SNX29: variants seen among roughly 807,000 people sequenced by gnomAD.
The protein encoded by SNX29 is sorting nexin-29.
SNX29 carries 78 observed loss-of-function variants against 102.1 expected under a neutral mutation model. The observed-to-expected ratio is 0.76, with a 90% CI of 0.64 to 0.92. The LOEUF (loss-of-function observed/expected upper bound fraction) is 0.92. SNX29 is among the 40% of genes least tolerant of loss of function. SNX29 has a pLI of 0.00. For missense variants in SNX29, 1,280 were observed against 1,061.7 expected, an observed-to-expected ratio of 1.21 and a Z score of -2.86; for synonymous variants, 580 against 414.5, an observed-to-expected ratio of 1.40 and a Z score of -4.85.
rs144110763 is a variant in SNX29 at position 12,139,979 on chromosome 16, T to TGAAAAAAAAAAAAAAAAAAAAAA, written c.1595+10221_1595+10222insGAAAAAAAAAAAAAAAAAAAAAA. ...CTGGGAGACAGAGAGATACCCTGTC[T>TGAAAAAAAAAAAAAAAAAAAAAA]CAAAAAAAAAAAAAAAAAAAAAAAA... On this transcript the variant is annotated intron_variant, in intron 13 of 20. Coordinates refer to ENST00000566228, the MANE Select transcript of SNX29 (RefSeq NM_032167.5). 4.8e-5 allele frequency among the ~76,000 whole-genome samples: 3 copies of TGAAAAAAAAAAAAAAAAAAAAAA among 63,070 alleles called. 1 individual carries two copies. Among genetic ancestry groups the TGAAAAAAAAAAAAAAAAAAAAAA allele is most frequent in the African/African-American group, 1.3e-4 (2 of 15,478 alleles). 41.4% of individuals were successfully genotyped at this position (63,070 alleles called of 152,430 possible). A position where few individuals can be genotyped will look rare whatever the true frequency, so the allele number is the denominator to read the frequency against.
chr16:12,316,515 C>T (rs188378503), intron 15 of SNX29, among the ~76,000 whole-genome samples: 308 of 152,320 alleles, frequency 2.0e-3, no homozygotes, highest in African/African-American at 7.3e-3. Flanking sequence ...TGCACTCCAA[C>T]CTGGGAGACA....
At position 12,126,647 on chromosome 16, in the gene SNX29, G is replaced by A. The variant is rs1176497439; in HGVS notation, c.1417G>A (p.Ala473Thr). ...TCTTCCCTTAGGTGAACTGCGCCAGGCCACTGTGGCCATGATGAACAGGAA... is the reference window on the plus strand; with the variant it reads ...TCTTCCCTTAGGTGAACTGCGCCAGACCACTGTGGCCATGATGAACAGGAA... Reference protein sequence around the residue: ...ESMTISELRQATVAMMNRKDE... With the variant: ...ESMTISELRQTTVAMMNRKDE... Residue 473 changes from alanine to threonine, a missense_variant, in exon 12 of 21, where the codon GCC becomes ACC. Coordinates refer to ENST00000566228, the MANE Select transcript of SNX29 (RefSeq NM_032167.5). 3.7e-6 allele frequency: 6 copies of A among 1,613,906 alleles called. No individual in the cohort carries two copies. Among genetic ancestry groups the A allele is most frequent in the Non-Finnish European group, 4.2e-6 (5 of 1,179,894 alleles).
chr16:12,080,745 G>A (rs2051829791), intron 11 of SNX29, among the ~76,000 whole-genome samples: 1 of 147,884 alleles, frequency 6.8e-6, no homozygotes, highest in South Asian at 2.1e-4. Context: ...AGGCTGGAGT[G>A]CAATGGCACG....
At chr16:12,247,134 A>G (rs745761173) in intron 14 of SNX29, among the ~76,000 whole-genome samples, 6 of 151,892 alleles carry the variant, frequency 4.0e-5, no homozygotes, top group Non-Finnish European at 8.8e-5. Flanking sequence ...TAAATTGATC[A>G]CCTTCCCTAT....
At chr16:12,547,842 C>T (rs572468564) in intron 20 of SNX29, among the ~76,000 whole-genome samples, 39 of 152,254 alleles carry the variant, frequency 2.6e-4, no homozygotes, top group African/African-American at 9.1e-4. Flanking sequence ...CCCCAGATTC[C>T]AAACTGGAGT....
At chr16:12,536,136 G>C (rs978490662) in intron 20 of SNX29, among the ~76,000 whole-genome samples, 11 of 152,132 alleles carry the variant, frequency 7.2e-5, no homozygotes, top group African/African-American at 2.7e-4. Flanking sequence ...TTTGGTGCTG[G>C]CACTCGCCTG....
At chr16:12,532,448 C>G (rs1012141736) in intron 20 of SNX29, among the ~76,000 whole-genome samples, 3 of 152,034 alleles carry the variant, frequency 2.0e-5, no homozygotes, top group Admixed American at 6.6e-5. Context: ...CTACTAAGCT[C>G]AATATTATTA....
chr16:12,422,293 T>G (rs929079805), intron 18 of SNX29, among the ~76,000 whole-genome samples: 6 of 152,236 alleles, frequency 3.9e-5, no homozygotes, highest in African/African-American at 1.4e-4. Context: ...CCTCCCCTCA[T>G]GAGGTGGCAG....
intron 3 of SNX29, among the ~76,000 whole-genome samples, chr16:12,024,975 G>T (rs2057146904): frequency 6.6e-6 from 1 of 151,968 alleles, no homozygotes; most frequent in Non-Finnish European, 1.5e-5. Context: ...GAGAGTTTTG[G>T]TGGACGTCCC....
At chr16:12,532,597 T>C (rs1369799242) in intron 20 of SNX29, among the ~76,000 whole-genome samples, 1 of 151,880 alleles carries the variant, frequency 6.6e-6, no homozygotes, top group East Asian at 1.9e-4. Flanking sequence ...TCCCAGTCTG[T>C]CTGAGGTATT....
At chr16:12,429,350 C>G (rs2085219394) in intron 18 of SNX29, among the ~76,000 whole-genome samples, 1 of 152,220 alleles carries the variant, frequency 6.6e-6, no homozygotes, top group South Asian at 2.1e-4. Flanking sequence ...GTTGATATCT[C>G]CTTCTAGCTT....
intron 3 of SNX29, among the ~76,000 whole-genome samples, chr16:12,018,961 G>GTT (rs71408227): frequency 2.0e-5 from 3 of 149,630 alleles, no homozygotes; most frequent in African/African-American, 4.9e-5. Context: ...TTGTAGATCT[G>GTT]TTTTTTTTTA....
chr16:12,017,788 T>G (rs371690840), intron 3 of SNX29, among the ~76,000 whole-genome samples: 13 of 152,318 alleles, frequency 8.5e-5, no homozygotes, highest in African/African-American at 2.4e-4. Context: ...CATGATCCTT[T>G]GTGTTAACGA....
At chr16:12,272,219 A>G (rs971104166) in intron 14 of SNX29, among the ~76,000 whole-genome samples, 7 of 152,118 alleles carry the variant, frequency 4.6e-5, no homozygotes, top group Non-Finnish European at 1.0e-4. Context: ...ATATAGTCCT[A>G]GAGGGGCTGG....
intron 3 of SNX29, among the ~76,000 whole-genome samples, chr16:12,015,072 AT>A (rs1222503629): frequency 6.6e-6 from 1 of 151,830 alleles, no homozygotes; most frequent in African/African-American, 2.4e-5. Flanking sequence ...TTTGTTCTAT[AT>A]TTTTCCATGC....
chr16:12,203,779 T>C (rs1325546372), intron 14 of SNX29, among the ~76,000 whole-genome samples: 1 of 152,348 alleles, frequency 6.6e-6, no homozygotes, highest in Non-Finnish European at 1.5e-5. Context: ...GCTTGCTCTG[T>C]GTACTGAAGA....
chr16:11,978,008 C>A (rs985105339), intron 1 of SNX29, among the ~76,000 whole-genome samples: 1 of 152,162 alleles, frequency 6.6e-6, no homozygotes, highest in African/African-American at 2.4e-5. Flanking sequence ...GAGCGGGGGG[C>A]AAGGCCAAGG....
At chr16:12,530,803 G>T (rs779513188) in intron 20 of SNX29, among the ~76,000 whole-genome samples, 1 of 152,132 alleles carries the variant, frequency 6.6e-6, no homozygotes, top group Non-Finnish European at 1.5e-5. Context: ...TGATCCACCC[G>T]CCTTGGCCTC....
In SNX29 at chr16:12,573,509, G is replaced by A. The variant is rs3803614; in HGVS notation, c.*4880G>A. 0.22 allele frequency: 50,010 copies of A among 224,108 alleles called. 6,114 individuals carry two copies. The highest frequency in any genetic ancestry group is 0.43 in the East Asian group (6,649 of 15,384). The allele number at this position is 224,108 out of a possible 1,614,324, so 13.9% of individuals were successfully genotyped here. A position where few individuals can be genotyped will look rare whatever the true frequency, so the allele number is the denominator to read the frequency against. On this transcript the variant is annotated 3_prime_UTR_variant, in exon 21 of 21. Coordinates refer to ENST00000566228, the MANE Select transcript of SNX29 (RefSeq NM_032167.5). The stretch of plus-strand genomic sequence containing the variant: ...TCTAGATTCACTGGTGGTTTAAGAG[G>A]CCCAGGGATTTAGTTCTTACTGGTG...
Sources: gnomAD v4.1 joint callset for allele counts (sites outside exome capture counted in the v4.1 genomes callset) on GRCh38, gnomAD v4.1.1 for gene constraint, MANE v1.5 for transcripts, NCBI Gene and HGNC (gene_info 2026-07-23, HGNC 2026-07-21) for gene names.